Variants in ATP13A4 observed in about 807,000 individuals in gnomAD.
The protein encoded by ATP13A4 is probable cation-transporting ATPase 13A4.
In ATP13A4, 114 loss-of-function variants were observed where a neutral mutation model predicts 142.5. That is an observed-to-expected ratio of 0.80 (90% CI 0.69 to 0.93). The LOEUF (loss-of-function observed/expected upper bound fraction) is 0.93, where lower values mean the gene tolerates loss of function less well. ATP13A4 is among the 40% of genes least tolerant of loss of function. ATP13A4 has a pLI of 0.00. For synonymous variants in ATP13A4, 488 were observed against 514.8 expected (o/e 0.95, Z 0.70); for missense variants, 1,392 against 1,454.0 (o/e 0.96, Z 0.69).
At chr3:193,551,011 A>G (rs990805031) in intron 1 of ATP13A4, among the ~76,000 whole-genome samples, 19 of 152,210 alleles carry the variant, frequency 1.2e-4, no homozygotes, top group African/African-American at 4.3e-4. Context: ...CACTTTACAA[A>G]TAAGGAAGCT....
At position 193,505,482 on chromosome 3, in the gene ATP13A4, CTTGGATA is replaced by C. The variant is rs112810936; in HGVS notation, c.235-2850_235-2844del. Among the ~76,000 whole-genome samples, 7 of 152,252 alleles carry C rather than the reference CTTGGATA, an allele frequency of 4.6e-5. 2 individuals are homozygous for C. The highest frequency in any genetic ancestry group is 1.7e-4 in the African/African-American group (7 of 41,556). ...TCATAATATTATCAAATCAAAGGTA[CTTGGATA>C]TATTTGCCTTTAAGCTCATTTCCTA... On this transcript the variant is annotated intron_variant, in intron 2 of 29. Transcript: ENST00000342695.
intron 1 of ATP13A4, among the ~76,000 whole-genome samples, chr3:193,520,423 C>CT (rs764011434): frequency 1.5e-4 from 23 of 152,190 alleles, no homozygotes; most frequent in Non-Finnish European, 3.1e-4. Flanking sequence ...AAGTTAATCT[C>CT]TAAGTCTAGG....
At chr3:193,437,358 A>G (rs1289484436) in intron 23 of ATP13A4, among the ~76,000 whole-genome samples, 5 of 152,136 alleles carry the variant, frequency 3.3e-5, no homozygotes, top group Admixed American at 1.3e-4. Context: ...ATCAGTAGGT[A>G]TCATCCTTAT....
chr3:193,516,676 A>C (rs1294414989), intron 1 of ATP13A4, among the ~76,000 whole-genome samples: 4 of 152,136 alleles, frequency 2.6e-5, no homozygotes, highest in African/African-American at 9.7e-5. Context: ...TCATCTTTTT[A>C]AAATATTATA....
chr3:193,536,502 T>C (rs536862731), intron 1 of ATP13A4, among the ~76,000 whole-genome samples: 1 of 152,146 alleles, frequency 6.6e-6, no homozygotes, highest in East Asian at 1.9e-4. Flanking sequence ...TTCTTTCAAC[T>C]TAATAAGGAG....
chr3:193,566,448 T>G (rs1035912955), intron 2 of ATP13A4, among the ~76,000 whole-genome samples: 1 of 152,176 alleles, frequency 6.6e-6, no homozygotes, highest in African/African-American at 2.4e-5. Context: ...TCCTCAAGAA[T>G]CTGTGACTGC....
At chr3:193,490,805 C>A (rs754240122) in intron 6 of ATP13A4, among the ~76,000 whole-genome samples, 6 of 152,046 alleles carry the variant, frequency 3.9e-5, no homozygotes, top group Non-Finnish European at 7.4e-5. Context: ...ACAGGGAAGC[C>A]AGAGGACAGC....
intron 13 of ATP13A4, among the ~76,000 whole-genome samples, chr3:193,462,176 C>G (rs1233420946): frequency 1.3e-5 from 2 of 149,248 alleles, no homozygotes; most frequent in Non-Finnish European, 3.0e-5. Flanking sequence ...GCACCAAGAT[C>G]ATGCCACTGC....
Position 193,448,321 on chromosome 3 carries a change from T to C in ATP13A4, c.2037A>G (p.Val679=). 1 of 1,614,044 alleles carries C rather than the reference T, an allele frequency of 6.2e-7. No individual in the cohort carries two copies. The highest frequency in any genetic ancestry group is 8.5e-7 in the Non-Finnish European group (1 of 1,180,000). The change falls in exon 18 of 30, where the codon GTA becomes GTG. Residue 679 remains valine (V), a synonymous_variant. Transcript: ENST00000342695. ...HHATTLTRET[V]ESDLIFLGLL... Reference sequence around the variant, plus strand: ...GCCCCAGAAATATCAGGTCTGATTCTACCGTCTCCCTGAAAATACATATAT... The same window carrying C: ...GCCCCAGAAATATCAGGTCTGATTCCACCGTCTCCCTGAAAATACATATAT...
At chr3:193,522,627 C>A (rs535238268) in intron 1 of ATP13A4, among the ~76,000 whole-genome samples, 1 of 152,324 alleles carries the variant, frequency 6.6e-6, no homozygotes, top group South Asian at 2.1e-4. Flanking sequence ...TGGCAGGTGT[C>A]ACAAGTGACA....
chr3:193,482,264 A>G (rs1007732579), intron 8 of ATP13A4, among the ~76,000 whole-genome samples: 2 of 151,846 alleles, frequency 1.3e-5, no homozygotes, highest in Admixed American at 6.6e-5. Flanking sequence ...CCCTCAATCG[A>G]AAAAAAACAA....
At chr3:193,407,810 T>C (rs1915570) in intron 28 of ATP13A4, among the ~76,000 whole-genome samples, 78,385 of 152,098 alleles carry the variant, frequency 0.52, 21,451 homozygotes, top group African/African-American at 0.71. Flanking sequence ...GGAGGCCTGA[T>C]GGTACCCATG....
intron 2 of ATP13A4, among the ~76,000 whole-genome samples, chr3:193,512,246 A>G (rs927121386): frequency 4.6e-5 from 7 of 152,302 alleles, no homozygotes; most frequent in South Asian, 2.1e-4. Context: ...ATAGATTCTT[A>G]AGTTCGCGTG....
chr3:193,566,833 T>C (rs1431745332), intron 2 of ATP13A4, among the ~76,000 whole-genome samples: 1 of 152,206 alleles, frequency 6.6e-6, no homozygotes, highest in Non-Finnish European at 1.5e-5. Flanking sequence ...ATGGCACACA[T>C]ATGTTAAAAA....
At position 193,405,574 on chromosome 3, in the gene ATP13A4, C is replaced by G. The variant is rs1052334197; in HGVS notation, c.3378+1739G>C. Among the ~76,000 whole-genome samples, 6 of 152,210 alleles carry G rather than the reference C, an allele frequency of 3.9e-5. No individual in the cohort carries two copies. In the South Asian group the frequency reaches 6.2e-4, roughly 16 times the overall value. ...GTGGAAGCTATCTGGACACCATAAT[C>G]ACGTGCACAAACATGAAAGACCACA... is the stretch of plus-strand genomic sequence containing the variant. On this transcript the variant is annotated intron_variant, in intron 29 of 29. Transcript: ENST00000342695.
chr3:193,473,951 T>C (rs915040766), intron 8 of ATP13A4, among the ~76,000 whole-genome samples: 1 of 152,120 alleles, frequency 6.6e-6, no homozygotes, highest in Non-Finnish European at 1.5e-5. Context: ...TGACCATTAG[T>C]TGGGAGAAAT....
In ATP13A4 at chr3:193,410,973, T is replaced by C. The variant is rs1210219879; in HGVS notation, c.3297+9A>G. On this transcript the variant is annotated intron_variant, in intron 28 of 29. Coordinates refer to ENST00000342695, the MANE Select transcript of ATP13A4 (RefSeq NM_032279.4). ...TAAAGCATCATCATATCCCAAAGAT[T>C]AGACTTACATCCAAACGTCTATATA... The C allele has an allele frequency of 1.3e-6, 2 of 1,549,028 alleles. No individual in the cohort carries two copies. Among genetic ancestry groups the C allele is most frequent in the Non-Finnish European group, 1.8e-6 (2 of 1,120,942 alleles).
chr3:193,484,018 G>GA lies in ATP13A4; in HGVS notation c.739-14dup. The GA allele has an allele frequency of 6.3e-7, 1 of 1,589,384 alleles. No homozygotes were observed. The highest frequency in any genetic ancestry group is 8.6e-7 in the Non-Finnish European group (1 of 1,157,856). ...GTTTTACAGATTGCTGAAAAAGAAG[G>GA]AAAAATGGAAAAGTCTTATCTATTT... On this transcript the variant is annotated splice_polypyrimidine_tract_variant and intron_variant, in intron 7 of 29. Coordinates refer to ENST00000342695, the MANE Select transcript of ATP13A4 (RefSeq NM_032279.4).
intron 26 of ATP13A4, 40 bp downstream of exon 26, chr3:193,414,539 A>G (rs749220092): frequency 4.4e-6 from 7 of 1,605,576 alleles, no homozygotes; most frequent in Non-Finnish European, 6.0e-6. Context: ...TTTGATAGAA[A>G]TTAGAATGTG....
Sources: gnomAD v4.1 joint callset for allele counts (sites outside exome capture counted in the v4.1 genomes callset) on GRCh38, gnomAD v4.1.1 for gene constraint, MANE v1.5 for transcripts, NCBI Gene and HGNC (gene_info 2026-07-23, HGNC 2026-07-21) for gene names.